SCN10A: variants seen among roughly 807,000 people sequenced by gnomAD.
SCN10A encodes sodium voltage-gated channel alpha subunit 10.
In SCN10A, 162 loss-of-function variants were observed where a neutral mutation model predicts 170.7. The ratio of observed to expected loss-of-function variants is 0.95; its 90% CI spans 0.84 to 1.08. The LOEUF is 1.08. SCN10A is among the 50% of genes least tolerant of loss of function. The pLI is 0.00. For synonymous variants in SCN10A, 985 were observed against 904.6 expected (o/e 1.09, Z -1.59); for missense variants, 2,527 against 2,436.9 (o/e 1.04, Z -0.78).
chr3:38,793,186 T>C (rs1425348190), intron 2 of SCN10A, among the ~76,000 whole-genome samples: 2 of 151,932 alleles, frequency 1.3e-5, no homozygotes, highest in Admixed American at 1.3e-4. Context: ...GATGACATCA[T>C]CCCCCATCAA....
At chr3:38,765,272 G>A (rs1340481093) in intron 5 of SCN10A, among the ~76,000 whole-genome samples, 1 of 152,036 alleles carries the variant, frequency 6.6e-6, no homozygotes, top group Admixed American at 6.5e-5. Flanking sequence ...TCCTTGGTCA[G>A]GAACGTTTTG....
chr3:38,750,311 T>C (rs2063734943), intron 12 of SCN10A, 127 bp from the exon 13 acceptor site: 1 of 591,040 alleles, frequency 1.7e-6, no homozygotes, highest in Non-Finnish European at 3.0e-6. Context: ...TAGAGATATG[T>C]TCTGACAAAT....
chr3:38,784,792 T>C (rs2064178605), intron 4 of SCN10A, among the ~76,000 whole-genome samples: 1 of 152,092 alleles, frequency 6.6e-6, no homozygotes, highest in Non-Finnish European at 1.5e-5. Context: ...AGTCTCAGGA[T>C]ACAAAATCAA....
chr3:38,751,192 A>G lies in SCN10A; in HGVS notation c.1756-1008T>C, dbSNP rs577592262. Among the ~76,000 whole-genome samples, 5 of 152,258 alleles carry G rather than the reference A, an allele frequency of 3.3e-5. No individual in the cohort carries two copies. In the South Asian group the frequency reaches 6.2e-4, roughly 19 times the overall value. The stretch of plus-strand genomic sequence containing the variant: ...AGCAGAGCTGTGATCCTCTACTAAG[A>G]TCACAAGTTCTGCCAGGCAGCCTCT... On this transcript the variant is annotated intron_variant, in intron 12 of 27. Transcript: ENST00000449082.
At chr3:38,782,362 G>A (rs914144485) in intron 4 of SCN10A, among the ~76,000 whole-genome samples, 7 of 152,010 alleles carry the variant, frequency 4.6e-5, no homozygotes, top group Non-Finnish European at 1.0e-4. Flanking sequence ...TGGAGGCACC[G>A]TGGTTTAACA....
intron 24 of SCN10A, 100 bp downstream of exon 24, chr3:38,710,744 C>T (rs2063264610): frequency 3.4e-6 from 4 of 1,177,222 alleles, no homozygotes; most frequent in East Asian, 5.1e-5. Context: ...GTGATCGCCT[C>T]TTCCAGTACC....
At chr3:38,799,557 G>A (rs541455677) in intron 1 of SCN10A, among the ~76,000 whole-genome samples, 1 of 152,314 alleles carries the variant, frequency 6.6e-6, no homozygotes, top group African/African-American at 2.4e-5. Flanking sequence ...GTGGCAGGGA[G>A]ATAGAGGAGA....
Position 38,771,292 on chromosome 3 carries a change from C to T in SCN10A, c.586G>A (p.Val196Ile), listed in dbSNP as rs1294999278. ...AGATATACTCACGCCAGGGTAATGA[C>T]GCTAAAATCCAGCCAGTTCCAAGGA... ...RDPWNWLDFS[V>I]ITLAYVGTAI... is the part of the protein sequence containing the mutation. The change falls in exon 5 of 28, where the codon GTC becomes ATC. Residue 196 changes from valine (V) to isoleucine (I), a missense_variant. Val to Ile is a conservative substitution (Grantham distance 29, BLOSUM62 3). Coordinates refer to ENST00000449082, the MANE Select transcript of SCN10A (RefSeq NM_006514.4). The T allele has an allele frequency of 6.2e-6, 10 of 1,613,872 alleles. No individual in the cohort carries two copies. The highest frequency in any genetic ancestry group is 1.1e-5 in the South Asian group (1 of 91,070).
chr3:38,797,176 C>A (rs1282761738), intron 1 of SCN10A, among the ~76,000 whole-genome samples: 1 of 151,942 alleles, frequency 6.6e-6, no homozygotes, highest in African/African-American at 2.4e-5. Context: ...TGATGGAGAT[C>A]CTGCTTGCTC....
intron 13 of SCN10A, among the ~76,000 whole-genome samples, chr3:38,747,162 GTT>G (rs1189452744): frequency 6.6e-6 from 1 of 152,012 alleles, no homozygotes; most frequent in African/African-American, 2.4e-5. Flanking sequence ...AAACATCATT[GTT>G]TCTCTGGCCT....
intron 21 of SCN10A, 34 bp downstream of exon 21, chr3:38,718,619 C>T: frequency 6.2e-7 from 1 of 1,611,010 alleles, no homozygotes; most frequent in African/African-American, 1.3e-5. Flanking sequence ...AGGGGAGGAC[C>T]CCAAACCCCA....
chr3:38,762,208 C>T (rs1313185292), intron 6 of SCN10A, among the ~76,000 whole-genome samples: 1 of 152,198 alleles, frequency 6.6e-6, no homozygotes, highest in Non-Finnish European at 1.5e-5. Flanking sequence ...AAATAATCCA[C>T]TGAGCACTAC....
chr3:38,772,549 C>T (rs554710753), intron 4 of SCN10A, among the ~76,000 whole-genome samples: 1 of 151,918 alleles, frequency 6.6e-6, no homozygotes, highest in Non-Finnish European at 1.5e-5. Context: ...ATTAGCCGGG[C>T]GCCTTGGCGG....
chr3:38,698,327 A>C lies in SCN10A; in HGVS notation c.4893T>G (p.His1631Gln), dbSNP rs139127319. 6.2e-7 allele frequency: 1 copy of C among 1,613,888 alleles called. No individual in the cohort carries two copies. The highest frequency in any genetic ancestry group is 1.3e-5 in the African/African-American group (1 of 74,910). ...YSIFGMSSFP[H>Q]VRWEAGIDDM... ...CGTCGATGCCAGCCTCCCACCTCAC[A>C]TGGGGAAAGCTGGACATACCGAAGA... The change falls in exon 28 of 28, where the codon CAT (histidine) becomes CAG (glutamine). Residue 1631 changes from histidine (H) to glutamine (Q), a missense_variant. Coordinates refer to ENST00000449082, the MANE Select transcript of SCN10A (RefSeq NM_006514.4).
intron 4 of SCN10A, among the ~76,000 whole-genome samples, chr3:38,785,439 T>C (rs914975079): frequency 6.6e-6 from 1 of 151,944 alleles, no homozygotes; most frequent in Non-Finnish European, 1.5e-5. Context: ...AGGCAGAAAA[T>C]TGAAACTAGA....
At chr3:38,811,507 G>A (rs1302662294) in intron 1 of SCN10A, among the ~76,000 whole-genome samples, 1 of 151,678 alleles carries the variant, frequency 6.6e-6, no homozygotes, top group Non-Finnish European at 1.5e-5. Context: ...TTAAATGAGT[G>A]TAAAAACGAT....
intron 20 of SCN10A, among the ~76,000 whole-genome samples, chr3:38,720,356 T>C (rs543590133): frequency 6.6e-6 from 1 of 152,330 alleles, no homozygotes; most frequent in South Asian, 2.1e-4. Flanking sequence ...TAAATGTGGT[T>C]TTATTTTTGT....
intron 3 of SCN10A, among the ~76,000 whole-genome samples, chr3:38,790,767 C>T (rs1049194592): frequency 1.3e-5 from 2 of 152,044 alleles, no homozygotes; most frequent in Non-Finnish European, 2.9e-5. Context: ...GTGTCAGTTT[C>T]ATTATCTGTA....
At chr3:38,719,411 T>G (rs1449730323) in intron 20 of SCN10A, among the ~76,000 whole-genome samples, 1 of 89,010 alleles carries the variant, frequency 1.1e-5, no homozygotes, top group Non-Finnish European at 2.0e-5. Flanking sequence ...TTTTTTTTTT[T>G]GAGACGGAGT....
Sources: allele counts gnomAD v4.1 joint callset (sites outside exome capture counted in the v4.1 genomes callset), GRCh38; gene constraint gnomAD v4.1.1; transcripts MANE v1.5; gene names NCBI Gene and HGNC (gene_info 2026-07-23, HGNC 2026-07-21).